The following MIR2052HG variants were observed in gnomAD, a reference collection of about 807,000 sequenced individuals.
The protein encoded by MIR2052HG is MIR2052 host gene.
chr8:74,606,708 G>T (rs974319427), intron 1 of MIR2052HG, among the ~76,000 whole-genome samples: 8 of 152,080 alleles, frequency 5.3e-5, no homozygotes, highest in Admixed American at 1.3e-4. Context: ...GAAGGGAAAG[G>T]ATCAGGAAAA....
At chr8:74,674,264 A>C (rs998721956) in intron 2 of MIR2052HG, among the ~76,000 whole-genome samples, 3 of 151,546 alleles carry the variant, frequency 2.0e-5, no homozygotes, top group Non-Finnish European at 4.4e-5. Flanking sequence ...TTGATTAATT[A>C]CACCTCTCAT....
At chr8:74,651,191 G>T (rs770211060) in intron 2 of MIR2052HG, among the ~76,000 whole-genome samples, 4 of 150,912 alleles carry the variant, frequency 2.7e-5, no homozygotes, top group Non-Finnish European at 5.9e-5. Flanking sequence ...CACCATAGCC[G>T]TTGGGAACTG....
intron 4 of MIR2052HG, among the ~76,000 whole-genome samples, chr8:74,736,384 T>C (rs1234625319): frequency 6.6e-6 from 1 of 152,228 alleles, no homozygotes; most frequent in Non-Finnish European, 1.5e-5. Flanking sequence ...GAAAGAGCCA[T>C]ACAAAATTTA....
intron 4 of MIR2052HG, among the ~76,000 whole-genome samples, chr8:74,744,241 T>G (rs1412144000): frequency 6.6e-6 from 1 of 151,926 alleles, no homozygotes; most frequent in South Asian, 2.1e-4. Context: ...AATCTTTTTT[T>G]AAATTTTTTT....
intron 2 of MIR2052HG, among the ~76,000 whole-genome samples, chr8:74,671,916 T>A (rs1586909573): frequency 1.3e-5 from 2 of 152,086 alleles, no homozygotes; most frequent in South Asian, 4.1e-4. Flanking sequence ...CATTTGCAGG[T>A]CAACTCAGGA....
At chr8:74,663,007 A>G (rs1808883153) in intron 2 of MIR2052HG, among the ~76,000 whole-genome samples, 1 of 152,126 alleles carries the variant, frequency 6.6e-6, no homozygotes, top group Non-Finnish European at 1.5e-5. Context: ...GATAACCAAG[A>G]TGATATAATA....
chr8:74,710,311 C>T (rs1161626633), intron 4 of MIR2052HG, among the ~76,000 whole-genome samples: 1 of 151,932 alleles, frequency 6.6e-6, no homozygotes, highest in Non-Finnish European at 1.5e-5. Context: ...CATAATTTAC[C>T]CTCAGGAAAG....
chr8:74,609,422 A>G (rs915904605), intron 1 of MIR2052HG, among the ~76,000 whole-genome samples: 2 of 151,948 alleles, frequency 1.3e-5, no homozygotes, highest in African/African-American at 4.8e-5. Context: ...TATAAAAGAG[A>G]AAATATTTTT....
At chr8:74,669,775 C>T (rs1343606886) in intron 2 of MIR2052HG, among the ~76,000 whole-genome samples, 1 of 152,142 alleles carries the variant, frequency 6.6e-6, no homozygotes, top group Non-Finnish European at 1.5e-5. Context: ...CCTTGGATCT[C>T]AAATGTCATC....
At chr8:74,745,889 A>G (rs1809880221) in intron 4 of MIR2052HG, among the ~76,000 whole-genome samples, 1 of 152,176 alleles carries the variant, frequency 6.6e-6, no homozygotes, top group South Asian at 2.1e-4. Flanking sequence ...GCTTTTAAGC[A>G]CCACACATAT....
At chr8:74,634,341 T>G (rs1185695068) in intron 2 of MIR2052HG, among the ~76,000 whole-genome samples, 3 of 152,182 alleles carry the variant, frequency 2.0e-5, no homozygotes, top group African/African-American at 7.2e-5. Context: ...GGCAGAGGTT[T>G]ACATAGACAA....
At chr8:74,740,206 G>C (rs930923481) in intron 4 of MIR2052HG, among the ~76,000 whole-genome samples, 4 of 152,158 alleles carry the variant, frequency 2.6e-5, no homozygotes, top group African/African-American at 9.7e-5. Flanking sequence ...GGTCACACCT[G>C]TAATCCCAGT....
At chr8:74,674,779 A>T (rs180811783) in intron 2 of MIR2052HG, among the ~76,000 whole-genome samples, 3 of 151,866 alleles carry the variant, frequency 2.0e-5, no homozygotes, top group Middle Eastern at 3.5e-3. Context: ...TTCAATAAGA[A>T]CCTGTTAATT....
intron 4 of MIR2052HG, among the ~76,000 whole-genome samples, chr8:74,720,847 G>A (rs1010941915): frequency 2.0e-5 from 3 of 151,854 alleles, no homozygotes; most frequent in African/African-American, 7.3e-5. Flanking sequence ...ATGGTGGTAG[G>A]AGAGAGAGAG....
chr8:74,637,990 T>C (rs1808600441), intron 2 of MIR2052HG, among the ~76,000 whole-genome samples: 1 of 152,212 alleles, frequency 6.6e-6, no homozygotes, highest in Non-Finnish European at 1.5e-5. Flanking sequence ...CATATTCTCA[T>C]GGCATTGATA....
At chr8:74,730,380 G>C (rs568668502) in intron 4 of MIR2052HG, among the ~76,000 whole-genome samples, 1 of 152,208 alleles carries the variant, frequency 6.6e-6, no homozygotes, top group East Asian at 1.9e-4. Context: ...TGAGACAAAA[G>C]GTAAATATTT....
chr8:74,749,122 T>C (rs550865774), intron 4 of MIR2052HG, among the ~76,000 whole-genome samples: 41 of 152,284 alleles, frequency 2.7e-4, no homozygotes, highest in African/African-American at 9.9e-4. Flanking sequence ...AAGGTGAGAT[T>C]TGTCAAATCT....
At chr8:74,736,697 G>A (rs1468647297) in intron 4 of MIR2052HG, among the ~76,000 whole-genome samples, 1 of 152,204 alleles carries the variant, frequency 6.6e-6, no homozygotes, top group East Asian at 1.9e-4. Flanking sequence ...CAGACTATCT[G>A]GATTCATAGC....
intron 4 of MIR2052HG, among the ~76,000 whole-genome samples, chr8:74,728,676 A>G (rs1043683492): frequency 2.0e-5 from 3 of 152,188 alleles, no homozygotes; most frequent in South Asian, 2.1e-4. Flanking sequence ...AGAAGAAATC[A>G]TAGTAAAACT....
Sources: gnomAD v4.1 joint callset for allele counts (sites outside exome capture counted in the v4.1 genomes callset) on GRCh38, gnomAD v4.1.1 for gene constraint, MANE v1.5 for transcripts, NCBI Gene and HGNC (gene_info 2026-07-23, HGNC 2026-07-21) for gene names.